The following BEST3 variants were observed in gnomAD, a reference collection of about 807,000 sequenced individuals.
BEST3 encodes bestrophin-3.
Under a neutral mutation model 47.1 loss-of-function variants are expected in BEST3, and 50 were observed. That is an observed-to-expected ratio of 1.06 (90% CI 0.85 to 1.34). The LOEUF is 1.34. Among genes scored for constraint, BEST3 ranks in the 40% most tolerant of loss-of-function variants. BEST3 has a pLI of 0.00. For synonymous variants in BEST3, 282 were observed against 298.8 expected (o/e 0.94, Z 0.58); for missense variants, 765 against 817.0 (o/e 0.94, Z 0.78).
At chr12:69,686,076 AAAAACTGGC>A (rs1364688954) in intron 4 of BEST3, among the ~76,000 whole-genome samples, 1 of 152,022 alleles carries the variant, frequency 6.6e-6, no homozygotes, top group Non-Finnish European at 1.5e-5. Flanking sequence ...CCAACAGAGG[AAAAACTGGC>A]ACAGCTGTGA....
chr12:69,694,420 G>C lies in BEST3; in HGVS notation c.197C>G (p.Ser66Ter). The change falls in exon 3 of 10, where the codon TCA becomes TGA. Residue 66 changes from serine (S) to a stop codon, truncating the protein, a stop_gained. Transcript: ENST00000330891. LOFTEE classifies it high-confidence loss of function. ...GVQKRYFEKL[S>*]IYCDRYAEQI... is the part of the protein sequence containing the mutation. The stretch of plus-strand genomic sequence containing the variant: ...TTCAGCATATCTGTCACAGTAAATT[G>C]ATAATTTTTCAAAGTAACGTTTTTG... 1 of 1,609,340 alleles carries C rather than the reference G, an allele frequency of 6.2e-7. No individual in the cohort carries two copies. The highest frequency in any genetic ancestry group is 1.1e-5 in the South Asian group (1 of 90,342).
intron 9 of BEST3, among the ~76,000 whole-genome samples, chr12:69,667,078 A>G (rs3909408): frequency 6.6e-6 from 1 of 152,148 alleles, no homozygotes; most frequent in Admixed American, 6.5e-5. Flanking sequence ...GCTTTGAATA[A>G]TGGCTGAAAC....
chr12:69,652,046 T>G (rs148297755), downstream of BEST3, among the ~76,000 whole-genome samples: 695 of 152,326 alleles, frequency 4.6e-3, 5 homozygotes, highest in African/African-American at 0.015. Context: ...GATAACAGCC[T>G]TCTTTGTTTT....
At chr12:69,665,651 A>G (rs1884162608) in intron 9 of BEST3, among the ~76,000 whole-genome samples, 1 of 151,958 alleles carries the variant, frequency 6.6e-6, no homozygotes, top group African/African-American at 2.4e-5. Flanking sequence ...AAAATATGCC[A>G]TTAGCCTTAC....
intron 4 of BEST3, among the ~76,000 whole-genome samples, chr12:69,689,730 C>A (rs893512342): frequency 6.6e-6 from 1 of 152,104 alleles, no homozygotes; most frequent in Non-Finnish European, 1.5e-5. Context: ...TCAGACAAAC[C>A]AACCAAAAAG....
At chr12:69,677,682 G>T (rs1885006842) in intron 5 of BEST3, among the ~76,000 whole-genome samples, 1 of 152,166 alleles carries the variant, frequency 6.6e-6, no homozygotes. Flanking sequence ...TCCAGAGGCT[G>T]AGGTGGGAGA....
chr12:69,675,799 T>C (rs1183222648), intron 7 of BEST3, among the ~76,000 whole-genome samples: 1 of 151,368 alleles, frequency 6.6e-6, no homozygotes, highest in Admixed American at 6.6e-5. Flanking sequence ...ATCAACATAT[T>C]ATTTTTTTTT....
chr12:69,674,812 G>T (rs2135973502), intron 7 of BEST3, among the ~76,000 whole-genome samples: 1 of 150,804 alleles, frequency 6.6e-6, no homozygotes, highest in African/African-American at 2.4e-5. Flanking sequence ...TCTGCACTTA[G>T]AAAACATTTA....
Position 69,676,914 on chromosome 12 carries a change from A to G in BEST3, c.867+2T>C, listed in dbSNP as rs770481382. On this transcript the variant is annotated splice_donor_variant, in intron 7 of 9. Transcript: ENST00000330891. LOFTEE classifies it high-confidence loss of function. ...AAGTGGGGCCCTGAGACCACTGGCT[A>G]CCTTAAGCCATCCTGCATAGAAGAA... is the stretch of plus-strand genomic sequence containing the variant. 2 of 1,613,276 alleles carry G rather than the reference A, an allele frequency of 1.2e-6. No homozygotes were observed. The highest frequency in any genetic ancestry group is 1.7e-6 in the Non-Finnish European group (2 of 1,179,672).
chr12:69,661,636 T>C (rs1190986326), intron 9 of BEST3, among the ~76,000 whole-genome samples: 1 of 152,196 alleles, frequency 6.6e-6, no homozygotes, highest in African/African-American at 2.4e-5. Context: ...ATTTATAAAA[T>C]GGGCAAGGCA....
chr12:69,685,697 A>T (rs1236550939), intron 4 of BEST3, among the ~76,000 whole-genome samples: 1 of 152,116 alleles, frequency 6.6e-6, no homozygotes, highest in South Asian at 2.1e-4. Flanking sequence ...TAAAATGTCA[A>T]TTTCTAGGTC....
At chr12:69,673,191 A>G (rs1012055925) in intron 7 of BEST3, among the ~76,000 whole-genome samples, 12 of 152,222 alleles carry the variant, frequency 7.9e-5, no homozygotes, top group African/African-American at 2.9e-4. Context: ...GGATCTGTCC[A>G]TTCAACTGGT....
chr12:69,672,434 C>A (rs538615616), intron 8 of BEST3, among the ~76,000 whole-genome samples: 1 of 152,342 alleles, frequency 6.6e-6, no homozygotes, highest in Non-Finnish European at 1.5e-5. Context: ...GAGACACAAG[C>A]TGGCATGGCC....
At position 69,699,260 on chromosome 12, in the gene BEST3, C is replaced by T. The variant is rs1050706955; in HGVS notation, c.-71G>A. 3.0e-6 allele frequency: 3 copies of T among 985,348 alleles called. No homozygotes were observed. Among genetic ancestry groups the T allele is most frequent in the African/African-American group, 3.5e-5 (2 of 57,332 alleles). The allele number at this position is 985,348 out of a possible 1,614,324, so 61.0% of individuals were successfully genotyped here. A position where few individuals can be genotyped will look rare whatever the true frequency, so the allele number is the denominator to read the frequency against. ...AAAGAGAATCTTCAAATTTCGGGCT[C>T]CCCCGAAGAGGTGCCTTCAGGTCGG... On this transcript the variant is annotated 5_prime_UTR_variant, in exon 1 of 10. Transcript: ENST00000330891.
intron 5 of BEST3, 126 bp downstream of exon 5, chr12:69,678,613 C>T: frequency 3.4e-6 from 3 of 877,138 alleles, no homozygotes; most frequent in Non-Finnish European, 5.2e-6. Flanking sequence ...GACACTAGTC[C>T]AATCTTTCCA....
At chr12:69,690,887 T>G (rs1462474128) in intron 4 of BEST3, among the ~76,000 whole-genome samples, 2 of 151,926 alleles carry the variant, frequency 1.3e-5, no homozygotes, top group East Asian at 1.9e-4. Context: ...GGCAATTAAT[T>G]TTTTTTTAAA....
At chr12:69,680,259 A>G (rs1414878838) in intron 4 of BEST3, among the ~76,000 whole-genome samples, 1 of 150,950 alleles carries the variant, frequency 6.6e-6, no homozygotes, top group African/African-American at 2.4e-5. Context: ...GCTATATACC[A>G]GGGTTTGTTT....
chr12:69,695,914 T>C (rs1451418450), intron 2 of BEST3, among the ~76,000 whole-genome samples: 2 of 152,180 alleles, frequency 1.3e-5, no homozygotes, highest in African/African-American at 2.4e-5. Flanking sequence ...GGCTAATAGA[T>C]GTAGAAATTT....
Position 69,677,020 on chromosome 12 carries a change from G to C in BEST3, c.763C>G (p.Arg255Gly), listed in dbSNP as rs200668742. ...YTFFFACLIG[R>G]QFLDPTKGYA... is the part of the protein sequence containing the mutation. ...CCTTTGGTGGGATCCAAAAACTGGC[G>C]TCCAATCAGGCACGCAAAGAAGAAG... The change falls in exon 7 of 10, where the codon CGC (arginine) becomes GGC (glycine). Residue 255 changes from arginine to glycine, a missense_variant. Coordinates refer to ENST00000330891, the MANE Select transcript of BEST3 (RefSeq NM_032735.3). 1.9e-6 allele frequency: 3 copies of C among 1,614,116 alleles called. No individual in the cohort carries two copies. Among genetic ancestry groups the C allele is most frequent in the Non-Finnish European group, 2.5e-6 (3 of 1,180,018 alleles).
Sources: gnomAD v4.1 joint callset for allele counts (sites outside exome capture counted in the v4.1 genomes callset) on GRCh38, gnomAD v4.1.1 for gene constraint, MANE v1.5 for transcripts, NCBI Gene and HGNC (gene_info 2026-07-23, HGNC 2026-07-21) for gene names.